Variants in EEIG1 observed in about 807,000 individuals in gnomAD.
EEIG1 encodes the protein early estrogen-induced gene 1 protein.
chr9:127,950,798 C>T, the EEIG1 span: 13 of 929,662 alleles, frequency 1.4e-5, no homozygotes, highest in East Asian at 8.2e-5. Context: ...CGGCGTGCAC[C>T]GGGGCCAGTG....
chr9:127,949,311 CAAAAAAAAA>C, the EEIG1 span, among the ~76,000 whole-genome samples: 9 of 90,160 alleles, frequency 1.0e-4, no homozygotes, highest in African/African-American at 3.9e-4. Context: ...GACTCTGTCT[CAAAAAAAAA>C]AAAAAAAAAA....
chr9:127,949,423 C>T, the EEIG1 span, among the ~76,000 whole-genome samples: 2 of 151,890 alleles, frequency 1.3e-5, no homozygotes, highest in African/African-American at 4.8e-5. Context: ...GATGAGGGAA[C>T]CAAGACTCAG....
the EEIG1 span, among the ~76,000 whole-genome samples, chr9:127,976,884 A>C: frequency 3.7e-3 from 563 of 152,106 alleles, 3 homozygotes; most frequent in African/African-American, 0.013. The surrounding 1 kb of genome is among the most constrained non-coding windows in gnomAD (Gnocchi z 4.1). Flanking sequence ...ATCTGGGTCC[A>C]GGATCTAACC....
chr9:127,949,607 C>A, the EEIG1 span, among the ~76,000 whole-genome samples: 1 of 152,206 alleles, frequency 6.6e-6, no homozygotes, highest in Non-Finnish European at 1.5e-5. Context: ...AGACAATCAG[C>A]CTGGACCCTT....
chr9:127,948,504 G>C, the EEIG1 span: 5 of 1,319,082 alleles, frequency 3.8e-6, no homozygotes, highest in Non-Finnish European at 5.5e-6. Context: ...TCTGGCCTCA[G>C]AAGGGCTTGG....
At chr9:127,965,669 T>A in the EEIG1 span, among the ~76,000 whole-genome samples, 12 of 152,176 alleles carry the variant, frequency 7.9e-5, no homozygotes, top group Non-Finnish European at 1.6e-4. Flanking sequence ...GCAATCAGAG[T>A]TCCCGGCTGA....
the EEIG1 span, among the ~76,000 whole-genome samples, chr9:127,952,263 C>T: frequency 1.2e-4 from 18 of 152,246 alleles, no homozygotes; most frequent in Non-Finnish European, 2.5e-4. Flanking sequence ...ACTGCCCAGC[C>T]GGCTGAGTTC....
the EEIG1 span, among the ~76,000 whole-genome samples, chr9:127,977,029 C>T: frequency 6.6e-6 from 1 of 151,892 alleles, no homozygotes; most frequent in South Asian, 2.1e-4. Context: ...GGTAGGAACC[C>T]AGGAACCCAG....
At chr9:127,964,792 G>A in the EEIG1 span, among the ~76,000 whole-genome samples, 1 of 152,174 alleles carries the variant, frequency 6.6e-6, no homozygotes, top group Admixed American at 6.5e-5. Flanking sequence ...CAGCAGGACA[G>A]GGGTTCTCAG....
chr9:127,973,273 T>G, the EEIG1 span, among the ~76,000 whole-genome samples: 1 of 151,910 alleles, frequency 6.6e-6, no homozygotes, highest in Admixed American at 6.6e-5. The surrounding 1 kb of genome is among the most constrained non-coding windows in gnomAD (Gnocchi z 4.2). Context: ...CATCCCAAGG[T>G]GCAAGTAGGG....
the EEIG1 span, among the ~76,000 whole-genome samples, chr9:127,946,262 G>C: frequency 6.6e-6 from 1 of 152,230 alleles, no homozygotes; most frequent in African/African-American, 2.4e-5. Flanking sequence ...GAGTGGAAGG[G>C]ACATGGTGAG....
chr9:127,959,461 T>C, the EEIG1 span, among the ~76,000 whole-genome samples: 1 of 152,186 alleles, frequency 6.6e-6, no homozygotes, highest in African/African-American at 2.4e-5. Context: ...TGACAGGAAC[T>C]AGATTGGTGG....
chr9:127,948,096 C>T, the EEIG1 span: 2 of 1,612,674 alleles, frequency 1.2e-6, no homozygotes, highest in Non-Finnish European at 1.7e-6. Context: ...TGGGCCGAGC[C>T]TTGGGGGGCC....
At chr9:127,977,659 A>G in the EEIG1 span, among the ~76,000 whole-genome samples, 36 of 152,286 alleles carry the variant, frequency 2.4e-4, no homozygotes, top group African/African-American at 8.2e-4. Context: ...GACATAACAC[A>G]CAGATTATCT....
the EEIG1 span, among the ~76,000 whole-genome samples, chr9:127,974,275 C>T: frequency 6.6e-6 from 1 of 152,190 alleles, no homozygotes; most frequent in African/African-American, 2.4e-5. Context: ...ACCTTCTCCA[C>T]CTGGCAACCA....
chr9:127,942,758 T>C, the EEIG1 span: 1 of 206,100 alleles, frequency 4.9e-6, no homozygotes, highest in Admixed American at 5.3e-5. Flanking sequence ...TGCTAAGACG[T>C]GACCAAAGCC....
the EEIG1 span, chr9:127,948,188 G>A: frequency 1.9e-6 from 3 of 1,613,962 alleles, no homozygotes; most frequent in Non-Finnish European, 2.5e-6. Context: ...GAGGAATCCT[G>A]GCCTGGGATG....
At chr9:127,944,546 A>G in the EEIG1 span, 1 of 1,136,898 alleles carries the variant, frequency 8.8e-7, no homozygotes, top group African/African-American at 1.5e-5. Flanking sequence ...AGGTGAGTGG[A>G]CTGTGGGGAC....
chr9:127,972,250 C>T, the EEIG1 span, among the ~76,000 whole-genome samples: 77 of 152,216 alleles, frequency 5.1e-4, 1 homozygote, highest in African/African-American at 1.8e-3. This position sits in a 1 kb window ranked among gnomAD's most constrained non-coding sequence, Gnocchi z 4.3. Flanking sequence ...CAAGAAAACA[C>T]GCAGACCCCA....
Sources: allele counts gnomAD v4.1 joint callset (sites outside exome capture counted in the v4.1 genomes callset), GRCh38; gene constraint gnomAD v4.1.1; non-coding constraint Gnocchi (gnomAD v3.1); transcripts MANE v1.5; gene names NCBI Gene and HGNC (gene_info 2026-07-23, HGNC 2026-07-21).